The following RASEF variants were observed in gnomAD, a reference collection of about 807,000 sequenced individuals.
RASEF encodes the protein ras and EF-hand domain-containing protein.
A neutral mutation model predicts 90.1 loss-of-function variants in RASEF; 68 were observed. The ratio of observed to expected loss-of-function variants is 0.75; its 90% confidence interval spans 0.62 to 0.92. The LOEUF (loss-of-function observed/expected upper bound fraction) is 0.92, where lower values mean the gene tolerates loss of function less well. Among genes scored for constraint, RASEF ranks in the 40% least tolerant of loss-of-function variants. The pLI, the probability that RASEF is intolerant of heterozygous loss-of-function variation, is 0.00. For missense variants in RASEF, 949 were observed against 937.2 expected (o/e 1.01, Z -0.16); for synonymous variants, 331 against 345.2 (o/e 0.96, Z 0.46).
At chr9:82,995,565 C>T (rs1419840470) in intron 14 of RASEF, among the ~76,000 whole-genome samples, 1 of 152,138 alleles carries the variant, frequency 6.6e-6, no homozygotes, top group Non-Finnish European at 1.5e-5. Flanking sequence ...CCCACCTCAG[C>T]CTCCCAAGCA....
intron 1 of RASEF, among the ~76,000 whole-genome samples, chr9:83,044,427 G>C (rs1390500850): frequency 6.6e-6 from 1 of 152,050 alleles, no homozygotes; most frequent in African/African-American, 2.4e-5. Flanking sequence ...AGAGGGGTAG[G>C]AACAAGGCTG....
chr9:83,048,135 T>C (rs1419502236), intron 1 of RASEF: 1 of 985,242 alleles, frequency 1.0e-6, no homozygotes, highest in Admixed American at 6.1e-5. Flanking sequence ...TCTGGAGGCC[T>C]CCACGTTTGT....
chr9:83,217,697 T>C, the RASEF span, among the ~76,000 whole-genome samples: 2 of 152,208 alleles, frequency 1.3e-5, no homozygotes, highest in Admixed American at 1.3e-4. Context: ...CCATTAAACC[T>C]ATTTTTCTTT....
chr9:83,094,223 G>A, the RASEF span, among the ~76,000 whole-genome samples: 8 of 146,226 alleles, frequency 5.5e-5, no homozygotes, highest in Non-Finnish European at 8.8e-5. Context: ...TTAGCCATAT[G>A]TGGATCTTGA....
At chr9:83,167,350 T>C in the RASEF span, among the ~76,000 whole-genome samples, 1 of 136,170 alleles carries the variant, frequency 7.3e-6, no homozygotes, top group East Asian at 2.1e-4. Context: ...GTAAATCACC[T>C]GAAGTCTTTA....
chr9:83,056,573 T>C (rs532496287), intron 1 of RASEF, among the ~76,000 whole-genome samples: 1 of 152,322 alleles, frequency 6.6e-6, no homozygotes, highest in East Asian at 1.9e-4. Flanking sequence ...CTACTTTCAT[T>C]GTACAAATGA....
chr9:83,121,272 T>C, the RASEF span, among the ~76,000 whole-genome samples: 4 of 152,168 alleles, frequency 2.6e-5, no homozygotes, highest in East Asian at 1.9e-4. Flanking sequence ...TCAGTTGACA[T>C]ATATAGATGG....
At chr9:83,065,229 A>G (rs1024000727), upstream of RASEF, among the ~76,000 whole-genome samples, 5 of 152,184 alleles carry the variant, frequency 3.3e-5, no homozygotes, top group African/African-American at 2.4e-5. Flanking sequence ...TAAAAGTGCT[A>G]CCATTTTATT....
chr9:83,100,595 C>T, the RASEF span, among the ~76,000 whole-genome samples: 1 of 152,140 alleles, frequency 6.6e-6, no homozygotes, highest in Non-Finnish European at 1.5e-5. Flanking sequence ...GAGAAGTATA[C>T]CCCCTCTCCT....
intron 6 of RASEF, among the ~76,000 whole-genome samples, chr9:83,008,891 C>CATATATATATATATAT (rs56810511): frequency 1.0e-4 from 2 of 19,560 alleles, no homozygotes; most frequent in African/African-American, 1.6e-4. Context: ...AAGTTCTCAT[C>CATATATATATATATAT]ATATATATAT....
intron 3 of RASEF, among the ~76,000 whole-genome samples, chr9:83,017,101 A>C (rs1306341028): frequency 6.6e-6 from 1 of 152,156 alleles, no homozygotes; most frequent in African/African-American, 2.4e-5. Flanking sequence ...CTAATGAGGC[A>C]GCCTTCCTGG....
At chr9:83,066,290 G>A (rs1036101755), upstream of RASEF, among the ~76,000 whole-genome samples, 1 of 152,134 alleles carries the variant, frequency 6.6e-6, no homozygotes, top group South Asian at 2.1e-4. Flanking sequence ...TTAAGTAAAA[G>A]AATTGGATCC....
the RASEF span, among the ~76,000 whole-genome samples, chr9:83,088,372 GGATA>G: frequency 0.037 from 5,487 of 147,524 alleles, 203 homozygotes; most frequent in East Asian, 0.19. Flanking sequence ...ATAGATAGAT[GGATA>G]GATAGATAGA....
intron 15 of RASEF, among the ~76,000 whole-genome samples, 182 bp from the exon 16 acceptor site, chr9:82,990,649 C>T (rs1177807032): frequency 6.6e-6 from 1 of 152,054 alleles, no homozygotes; most frequent in Admixed American, 6.6e-5. Flanking sequence ...CATAGTTACT[C>T]CAGGAAAAGT....
chr9:83,055,497 C>G, intron 1 of RASEF: 1 of 689,916 alleles, frequency 1.4e-6, no homozygotes. Context: ...GCAGAAATCA[C>G]CCGTCTTCTG....
At chr9:83,055,032 A>C (rs1440782022) in intron 1 of RASEF, 1 of 146,108 alleles carries the variant, frequency 6.8e-6, no homozygotes, top group Non-Finnish European at 1.5e-5. Flanking sequence ...GGTGGAGCCT[A>C]CAGAGGCAGG....
chr9:83,108,360 T>C, the RASEF span, among the ~76,000 whole-genome samples: 2 of 152,184 alleles, frequency 1.3e-5, no homozygotes, highest in African/African-American at 2.4e-5. Flanking sequence ...TATGGCCCCC[T>C]GGACAACCCT....
chr9:83,214,424 A>G, the RASEF span, among the ~76,000 whole-genome samples: 1 of 152,200 alleles, frequency 6.6e-6, no homozygotes, highest in African/African-American at 2.4e-5. Context: ...TTTTAAAAAT[A>G]TTTAAAGAAT....
the RASEF span, among the ~76,000 whole-genome samples, chr9:83,114,806 A>T: frequency 3.9e-5 from 6 of 152,200 alleles, no homozygotes; most frequent in Admixed American, 3.9e-4. Flanking sequence ...AGATGTTATC[A>T]GTGACAATGT....
Sources: allele counts gnomAD v4.1 joint callset (sites outside exome capture counted in the v4.1 genomes callset), GRCh38; gene constraint gnomAD v4.1.1; transcripts MANE v1.5; gene names NCBI Gene and HGNC (gene_info 2026-07-23, HGNC 2026-07-21).